The following SYNE1 variants were observed in gnomAD, a reference collection of about 807,000 sequenced individuals.
SYNE1 encodes the protein nesprin-1.
A neutral mutation model predicts 1,111.0 loss-of-function variants in SYNE1; 616 were observed. The ratio of observed to expected loss-of-function variants is 0.55; its 90% CI spans 0.52 to 0.59. The LOEUF (loss-of-function observed/expected upper bound fraction) is 0.59, where lower values mean the gene tolerates loss of function less well. SYNE1 is among the 20% of genes least tolerant of loss of function. The pLI is 0.00. For missense variants in SYNE1, 10,006 were observed against 10,417.0 expected, an observed-to-expected ratio of 0.96 and a Z score of 1.72; for synonymous variants, 3,855 against 3,825.8, an observed-to-expected ratio of 1.01 and a Z score of -0.28.
intron 143 of SYNE1, 140 bp from the exon 144 acceptor site, chr6:152,132,354 T>C (rs1392216438): frequency 1.7e-5 from 13 of 781,172 alleles, no homozygotes; most frequent in Non-Finnish European, 2.7e-5. Context: ...TTGGGGAAAA[T>C]GGAACCAGAC....
Position 152,442,082 on chromosome 6 carries a change from C to T in SYNE1, c.4001G>A (p.Arg1334His). The T allele has an allele frequency of 1.9e-6, 3 of 1,614,080 alleles. No individual in the cohort carries two copies. Among genetic ancestry groups the T allele is most frequent in the Middle Eastern group, 1.7e-4 (1 of 6,042 alleles). The change falls in exon 31 of 146, where the codon CGC becomes CAC. Residue 1334 changes from arginine to histidine, a missense_variant. This residue lies in a region of SYNE1 where 1,971 missense variants were observed against 2,084.1 expected (regional missense o/e 0.95). Coordinates refer to ENST00000367255, the MANE Select transcript of SYNE1 (RefSeq NM_182961.4). Reference sequence around the variant, plus strand: ...CTAACTTCCGGCTCCTACCTGGATGCGGCGTTCCTGCCTCTCCCGGCTGCG... The same window carrying T: ...CTAACTTCCGGCTCCTACCTGGATGTGGCGTTCCTGCCTCTCCCGGCTGCG... ...LERSRERQER[R>H]IQVTLRKWER...
rs2099353427 is a variant in SYNE1 at position 152,553,139 on chromosome 6, AT to A, written c.68-13119del. On this transcript the variant is annotated intron_variant, in intron 3 of 145. Transcript: ENST00000367255. ...GAGAAAATATCCTCCACCCTCACCA[AT>A]TTTACATGTAAAGAGACTGGAGCAA... Among the ~76,000 whole-genome samples the A allele has an allele frequency of 3.9e-5, 6 of 152,176 alleles. No homozygotes were observed. In the South Asian group the frequency reaches 1.2e-3, roughly 32 times the overall value.
In SYNE1 at chr6:152,207,905, G is replaced by A. The variant is rs957451804; in HGVS notation, c.22824+67C>T. Reference sequence around the variant, plus strand: ...CACTCTAGAGTCCTTTTGAAAAACCGAGGCGAAGGTAAAGTGTGCGGTGGA... The same window carrying A: ...CACTCTAGAGTCCTTTTGAAAAACCAAGGCGAAGGTAAAGTGTGCGGTGGA... On this transcript the variant is annotated intron_variant, in intron 125 of 145. Coordinates refer to ENST00000367255, the MANE Select transcript of SYNE1 (RefSeq NM_182961.4). 69 of 1,531,730 alleles carry A rather than the reference G, an allele frequency of 4.5e-5. 1 individual carries two copies. Among genetic ancestry groups the A allele is most frequent in the South Asian group, 2.6e-4 (23 of 88,860 alleles). 94.9% of individuals were successfully genotyped at this position (1,531,730 alleles called of 1,614,324 possible).
chr6:152,573,100 A>G (rs1268185397), intron 3 of SYNE1, among the ~76,000 whole-genome samples: 1 of 152,146 alleles, frequency 6.6e-6, no homozygotes, highest in African/African-American at 2.4e-5. Context: ...ATACTTTTCT[A>G]AGGGCGAGGC....
At chr6:152,388,156 T>G (rs2097551310) in intron 53 of SYNE1, among the ~76,000 whole-genome samples, 1 of 152,208 alleles carries the variant, frequency 6.6e-6, no homozygotes, top group African/African-American at 2.4e-5. Context: ...AACTGTTGCT[T>G]TTGCATCTTT....
chr6:152,331,721 C>G lies in SYNE1; in HGVS notation c.12964G>C (p.Glu4322Gln), dbSNP rs2096251606. The G allele has an allele frequency of 6.2e-7, 1 of 1,614,226 alleles. No homozygotes were observed. Among genetic ancestry groups the G allele is most frequent in the Non-Finnish European group, 8.5e-7 (1 of 1,180,044 alleles). ...ELVKEQTSHL[E>Q]QRWFQLEDLI... ...TCCTCAAGCTGAAACCAACGTTGCT[C>G]TAAATGACTCGTCTGTTCTTTGACT... is the stretch of plus-strand genomic sequence containing the variant. The change falls in exon 78 of 146, where the codon GAG (glutamate) becomes CAG (glutamine). Residue 4322 changes from glutamate (E) to glutamine (Q), a missense_variant. Physicochemically the swap from Glu to Gln is conservative, Grantham distance 29. Coordinates refer to ENST00000367255, the MANE Select transcript of SYNE1 (RefSeq NM_182961.4).
Position 152,201,918 on chromosome 6 carries a change from T to A in SYNE1, c.23051A>T (p.Asp7684Val), listed in dbSNP as rs139077054. Residue 7684 changes from aspartate to valine, a missense_variant, in exon 127 of 146, where the codon GAT (aspartate) becomes GTT (valine). Coordinates refer to ENST00000367255, the MANE Select transcript of SYNE1 (RefSeq NM_182961.4). ...GAAAGTTCGTAGTTTCTCCAGGGAA[T>A]CTGCTATTCCTTTCTCACATTTTTC... The part of the protein sequence containing the change: ...DWEKCEKGIA[D>V]SLEKLRTFKK... 35 of 1,613,810 alleles carry A rather than the reference T, an allele frequency of 2.2e-5. No individual in the cohort carries two copies. The Admixed American group carries it at 4.8e-4, about 22-fold the overall frequency.
intron 14 of SYNE1, among the ~76,000 whole-genome samples, chr6:152,474,022 A>T (rs987322842): frequency 1.3e-5 from 2 of 152,020 alleles, no homozygotes; most frequent in Non-Finnish European, 2.9e-5. Flanking sequence ...CGTCTCTACT[A>T]AAGATACAAA....
At chr6:152,146,508 C>G (rs908030466) in intron 137 of SYNE1, 1 of 152,236 alleles carries the variant, frequency 6.6e-6, no homozygotes, top group African/African-American at 2.4e-5. Context: ...TCAACAGTCC[C>G]AACTGGCCAG....
In SYNE1 at chr6:152,329,921, C is replaced by T. The variant is rs773856094; in HGVS notation, c.14764G>A (p.Glu4922Lys). ...YLDLNLQDIQ[E>K]EIRKIQIHQE... ...TGAATTTGGATTTTTCTGATTTCCT[C>T]TTGGATGTCCTGCAGGTTGAGGTCT... Residue 4922 changes from glutamate (E) to lysine (K), a missense_variant, in exon 78 of 146, where the codon GAG becomes AAG. Transcript: ENST00000367255. The T allele has an allele frequency of 1.9e-6, 3 of 1,614,178 alleles. No homozygotes were observed. Among genetic ancestry groups the T allele is most frequent in the Non-Finnish European group, 1.7e-6 (2 of 1,180,042 alleles).
Position 152,350,339 on chromosome 6 carries a change from C to A in SYNE1, c.11734-4G>T. The A allele has an allele frequency of 1.2e-6, 2 of 1,614,132 alleles. No homozygotes were observed. Among genetic ancestry groups the A allele is most frequent in the Non-Finnish European group, 8.5e-7 (1 of 1,180,028 alleles). ...CCTCCAGACTGAAGACATGCTCCTG[C>A]AAAACCAGGTGTCCATCAGAGATGA... is the stretch of plus-strand genomic sequence containing the variant. On this transcript the variant is annotated splice_polypyrimidine_tract_variant and splice_region_variant and intron_variant, in intron 71 of 145. Coordinates refer to ENST00000367255, the MANE Select transcript of SYNE1 (RefSeq NM_182961.4).
At chr6:152,488,601 TA>T (rs2098953685) in intron 11 of SYNE1, 98 bp from the exon 12 acceptor site, 3 of 751,606 alleles carry the variant, frequency 4.0e-6, no homozygotes, top group Non-Finnish European at 6.8e-6. Flanking sequence ...TAATATTTAG[TA>T]AGTCCCAACT....
intron 90 of SYNE1, among the ~76,000 whole-genome samples, 188 bp downstream of exon 90, chr6:152,309,647 A>G (rs1355516173): frequency 6.6e-6 from 1 of 152,214 alleles, no homozygotes; most frequent in Non-Finnish European, 1.5e-5. Flanking sequence ...TTTTTTATAT[A>G]GCATTCCCCA....
intron 96 of SYNE1, among the ~76,000 whole-genome samples, chr6:152,283,587 A>G (rs1033239671): frequency 1.3e-5 from 2 of 152,132 alleles, no homozygotes; most frequent in African/African-American, 2.4e-5. Flanking sequence ...CCCAGGCTGG[A>G]GTGCAGTGGT....
chr6:152,550,420 T>G (rs925712887), intron 3 of SYNE1, among the ~76,000 whole-genome samples: 5 of 152,118 alleles, frequency 3.3e-5, no homozygotes, highest in Admixed American at 2.0e-4. Context: ...TTTACCAAAT[T>G]TTAATGTATT....
intron 3 of SYNE1, among the ~76,000 whole-genome samples, chr6:152,582,569 T>A (rs1310529425): frequency 1.3e-5 from 2 of 151,418 alleles, no homozygotes; most frequent in African/African-American, 2.4e-5. Context: ...TACATATATA[T>A]AAATAAATAT....
chr6:152,122,773 C>A (rs1038939557), intron 145 of SYNE1, 97 bp from the exon 146 acceptor site: 1 of 1,577,774 alleles, frequency 6.3e-7, no homozygotes, highest in Non-Finnish European at 8.6e-7. Flanking sequence ...AAGGGCCATG[C>A]CAAGCACACC....
chr6:152,205,716 T>C (rs905277026), intron 126 of SYNE1, among the ~76,000 whole-genome samples: 2 of 152,234 alleles, frequency 1.3e-5, no homozygotes, highest in African/African-American at 2.4e-5. Context: ...TTTTATCTCA[T>C]GGCAACTTGC....
intron 142 of SYNE1, 110 bp downstream of exon 142, chr6:152,134,994 C>A: frequency 6.6e-7 from 1 of 1,509,680 alleles, no homozygotes; most frequent in East Asian, 2.3e-5. Context: ...GACTATAATG[C>A]AAAAAGTTAA....
Sources: gnomAD v4.1 joint callset for allele counts (sites outside exome capture counted in the v4.1 genomes callset) on GRCh38, gnomAD v4.1.1 for gene constraint, gnomAD v4.1.1 regional missense constraint, MANE v1.5 for transcripts, NCBI Gene and HGNC (gene_info 2026-07-23, HGNC 2026-07-21) for gene names.